Variants in NPSR1 observed in about 807,000 individuals in gnomAD.
NPSR1 encodes neuropeptide S receptor.
In NPSR1, 48 loss-of-function variants were observed where a neutral mutation model predicts 46.9. That is an observed-to-expected ratio of 1.02 (90% CI 0.81 to 1.30). The LOEUF is 1.30. Among genes scored for constraint, NPSR1 ranks in the 50% most tolerant of loss-of-function variants. The pLI is 0.00. For missense variants in NPSR1, 450 were observed against 449.5 expected (o/e 1.00, Z -0.01); for synonymous variants, 176 against 168.1 (o/e 1.05, Z -0.36).
At chr7:34,790,724 T>TTCTATGTTATATATAA (rs1562729228) in intron 3 of NPSR1, among the ~76,000 whole-genome samples, 4 of 112,814 alleles carry the variant, frequency 3.5e-5, no homozygotes, top group East Asian at 2.7e-4. Context: ...ATAATATATG[T>TTCTATGTTATATATAA]TATATGTTAT....
intron 2 of NPSR1, among the ~76,000 whole-genome samples, chr7:34,695,749 T>G (rs1478372749): frequency 6.6e-6 from 1 of 151,970 alleles, no homozygotes; most frequent in African/African-American, 2.4e-5. Flanking sequence ...AATACCACAA[T>G]GAGATATCAT....
At chr7:34,832,473 C>G (rs542216568) in intron 5 of NPSR1, among the ~76,000 whole-genome samples, 1 of 152,262 alleles carries the variant, frequency 6.6e-6, no homozygotes, top group African/African-American at 2.4e-5. Context: ...ATGATCCTGA[C>G]ACTGTACTCC....
At chr7:34,750,637 C>A in intron 2 of NPSR1, 1 of 687,758 alleles carries the variant, frequency 1.5e-6, no homozygotes, top group Admixed American at 1.9e-5. Context: ...CAGGCTTGGC[C>A]CCATGTTGTA....
intron 2 of NPSR1, among the ~76,000 whole-genome samples, chr7:34,736,775 A>G (rs1364042107): frequency 1.3e-5 from 2 of 151,860 alleles, no homozygotes; most frequent in Admixed American, 6.6e-5. Flanking sequence ...TCATTTTTGT[A>G]TTTTTTATTT....
At chr7:34,755,004 C>CT (rs1197651068) in intron 2 of NPSR1, among the ~76,000 whole-genome samples, 3 of 152,042 alleles carry the variant, frequency 2.0e-5, no homozygotes, top group African/African-American at 7.2e-5. Flanking sequence ...ATGGATATAG[C>CT]ACATTTTGTT....
At chr7:34,850,091 G>A, downstream of NPSR1, 1 of 633,756 alleles carries the variant, frequency 1.6e-6, no homozygotes, top group Non-Finnish European at 2.0e-6. Context: ...TTGGATTGGA[G>A]GTTCAGTGCT....
chr7:34,723,089 G>A (rs1783947250), intron 2 of NPSR1, among the ~76,000 whole-genome samples: 1 of 152,172 alleles, frequency 6.6e-6, no homozygotes, highest in South Asian at 2.1e-4. Context: ...AATTAAGCCA[G>A]AGCAAATCCG....
chr7:34,719,863 C>G (rs899373072), intron 2 of NPSR1: 2 of 151,894 alleles, frequency 1.3e-5, no homozygotes, highest in African/African-American at 2.4e-5. Context: ...CAGTGACAGA[C>G]AGTCTAATGT....
intron 2 of NPSR1, among the ~76,000 whole-genome samples, chr7:34,773,001 G>T (rs147058792): frequency 1.2e-4 from 18 of 152,036 alleles, no homozygotes; most frequent in African/African-American, 4.3e-4. Context: ...TATGTTCCCT[G>T]GCAGAAGTAC....
At chr7:34,804,587 T>C (rs1295644733) in intron 3 of NPSR1, among the ~76,000 whole-genome samples, 1 of 151,994 alleles carries the variant, frequency 6.6e-6, no homozygotes, top group Non-Finnish European at 1.5e-5. Flanking sequence ...GGCAAGAAAT[T>C]AGGTGCTTTT....
Position 34,695,396 on chromosome 7 carries a change from C to T in NPSR1, c.280+10712C>T, listed in dbSNP as rs189222420. 2.4e-3 allele frequency among the ~76,000 whole-genome samples: 366 copies of T among 151,886 alleles called. 5 individuals carry two copies. The highest frequency in any genetic ancestry group is 5.4e-3 in the East Asian group (28 of 5,172). ...TGGGAAAACTCTACTGGACATTAGA[C>T]TAGGCAAAGAATTTATGACAAAGAC... On this transcript the variant is annotated intron_variant, in intron 2 of 8. Transcript: ENST00000360581.
At chr7:34,775,234 G>C (rs867116661) in intron 2 of NPSR1, among the ~76,000 whole-genome samples, 1 of 152,186 alleles carries the variant, frequency 6.6e-6, no homozygotes, top group South Asian at 2.1e-4. Flanking sequence ...GTTTGAAGAG[G>C]TAACATAGCC....
At chr7:34,848,448 C>A (rs1003920105) in intron 7 of NPSR1, 35 bp from the exon 8 acceptor site, 1 of 1,601,306 alleles carries the variant, frequency 6.2e-7, no homozygotes, top group Non-Finnish European at 8.5e-7. Context: ...TCAACTGCTA[C>A]CTGCTGTGAT....
rs1481034810 is a variant in NPSR1, at chr7:34,865,940, C to T, written c.1026-12136C>T. Among the ~76,000 whole-genome samples the T allele has an allele frequency of 3.3e-5, 5 of 151,912 alleles. No homozygotes were observed. The East Asian group carries it at 7.7e-4, about 23-fold the overall frequency. ...CCAGGCTCTTCCTAAGGGAAGTTTG[C>T]ACCCACAGCAATGCCCAGAGTCCAC... On this transcript the variant is annotated intron_variant, in intron 8 of 8. Transcript: ENST00000359791.
At position 34,693,958 on chromosome 7, in the gene NPSR1, G is replaced by T. The variant is rs188647324; in HGVS notation, c.280+9274G>T. On this transcript the variant is annotated intron_variant, in intron 2 of 8. Transcript: ENST00000360581. ...GCGTCAATAAAATCCAACATCTTTT[G>T]ATAATAAAAACCCTCAACAAATTAG... Among the ~76,000 whole-genome samples, 561 of 152,132 alleles carry T rather than the reference G, an allele frequency of 3.7e-3. 2 individuals are homozygous for T. Among genetic ancestry groups the T allele is most frequent in the Non-Finnish European group, 6.6e-3 (446 of 67,984 alleles).
intron 2 of NPSR1, among the ~76,000 whole-genome samples, chr7:34,686,570 T>C (rs1206907610): frequency 6.6e-6 from 1 of 152,148 alleles, no homozygotes; most frequent in African/African-American, 2.4e-5. Flanking sequence ...ATGTCCTCCT[T>C]AAGATTTCTT....
intron 2 of NPSR1, among the ~76,000 whole-genome samples, chr7:34,701,875 T>C (rs1029994478): frequency 7.2e-5 from 11 of 152,242 alleles, no homozygotes; most frequent in Admixed American, 2.6e-4. Flanking sequence ...TAGTCTTGAG[T>C]GATTCTTTGA....
chr7:34,767,912 A>G (rs1290630156), intron 2 of NPSR1, among the ~76,000 whole-genome samples: 1 of 152,194 alleles, frequency 6.6e-6, no homozygotes, highest in Non-Finnish European at 1.5e-5. Context: ...ACAAAATTAC[A>G]GCTAGATAGA....
intron 2 of NPSR1, among the ~76,000 whole-genome samples, chr7:34,760,288 C>T (rs1209998116): frequency 6.6e-6 from 1 of 152,214 alleles, no homozygotes. Context: ...TGGCCCTATT[C>T]ATTGCATCAG....
Sources: allele counts gnomAD v4.1 joint callset (sites outside exome capture counted in the v4.1 genomes callset), GRCh38; gene constraint gnomAD v4.1.1; transcripts MANE v1.5; gene names NCBI Gene and HGNC (gene_info 2026-07-23, HGNC 2026-07-21).